The following C1orf21 variants were observed in gnomAD, a reference collection of about 807,000 sequenced individuals.
The protein encoded by C1orf21 is uncharacterized protein C1orf21.
Under a neutral mutation model 18.7 loss-of-function variants are expected in C1orf21, and 3 were observed. The ratio of observed to expected loss-of-function variants is 0.16; its 90% CI spans 0.07 to 0.42. The LOEUF is 0.42. Ranked by LOEUF, C1orf21 falls within the 10% of genes least tolerant of loss-of-function variation. C1orf21 has a pLI of 0.99. For missense variants in C1orf21, 104 were observed against 143.6 expected (o/e 0.72, Z 1.41); for synonymous variants, 41 against 46.4 (o/e 0.88, Z 0.47).
intron 3 of C1orf21, among the ~76,000 whole-genome samples, chr1:184,529,580 A>T (rs946770978): frequency 6.6e-6 from 1 of 152,230 alleles, no homozygotes; most frequent in Admixed American, 6.5e-5. Context: ...AAATCTGGAG[A>T]TGTATCATAT....
chr1:184,482,422 GTC>G (rs1489186660), intron 2 of C1orf21, among the ~76,000 whole-genome samples: 1 of 152,198 alleles, frequency 6.6e-6, no homozygotes. Flanking sequence ...AGGGAATAGA[GTC>G]TCTCCACCTC....
At chr1:184,423,622 G>C (rs1196965716) in intron 1 of C1orf21, among the ~76,000 whole-genome samples, 2 of 152,184 alleles carry the variant, frequency 1.3e-5, no homozygotes, top group Middle Eastern at 3.2e-3. Flanking sequence ...CTCCTACACA[G>C]AATAGAAATC....
At chr1:184,512,379 T>G (rs1658163231) in intron 3 of C1orf21, among the ~76,000 whole-genome samples, 1 of 152,196 alleles carries the variant, frequency 6.6e-6, no homozygotes. Context: ...TAGCACCTAG[T>G]GGTTGCTCAA....
At chr1:184,411,059 G>GA (rs1405270874) in intron 1 of C1orf21, among the ~76,000 whole-genome samples, 2 of 152,084 alleles carry the variant, frequency 1.3e-5, no homozygotes, top group East Asian at 3.9e-4. Context: ...CCGATTTGGA[G>GA]AAAATGCCTT....
chr1:184,415,733 C>T (rs781152069), intron 1 of C1orf21, among the ~76,000 whole-genome samples: 1 of 152,106 alleles, frequency 6.6e-6, no homozygotes, highest in Non-Finnish European at 1.5e-5. Context: ...CAAGTCTGTA[C>T]CTTCAAAAGT....
intron 3 of C1orf21, among the ~76,000 whole-genome samples, chr1:184,575,980 A>T (rs979022227): frequency 2.0e-5 from 3 of 152,160 alleles, no homozygotes; most frequent in African/African-American, 7.2e-5. Flanking sequence ...CCAAGGTGAC[A>T]AGCAAAAATG....
intron 1 of C1orf21, among the ~76,000 whole-genome samples, chr1:184,388,347 G>A (rs560529470): frequency 4.7e-4 from 72 of 152,322 alleles, no homozygotes; most frequent in African/African-American, 1.6e-3. Context: ...AATTCTGAGA[G>A]ACGGCAAGCA....
At position 184,625,909 on chromosome 1, in the gene C1orf21, C is replaced by A. The variant is rs931376936; in HGVS notation, c.*6353C>A. ...ATAGACACATCCCTAACGGCGTGTG[C>A]CTGGTCCAGCCACATACAGCCACCA... is the stretch of plus-strand genomic sequence containing the variant. On this transcript the variant is annotated 3_prime_UTR_variant, in exon 6 of 6. Transcript: ENST00000235307. The A allele has an allele frequency of 6.6e-6, 1 of 152,160 alleles. No homozygotes were observed. Among genetic ancestry groups the A allele is most frequent in the Non-Finnish European group, 1.5e-5 (1 of 68,046 alleles). 9.4% of individuals were successfully genotyped at this position (152,160 alleles called of 1,614,324 possible).
chr1:184,458,803 A>C (rs1657260327), intron 1 of C1orf21, among the ~76,000 whole-genome samples: 1 of 152,234 alleles, frequency 6.6e-6, no homozygotes, highest in Non-Finnish European at 1.5e-5. Flanking sequence ...CTTTGTGTTT[A>C]GTAACAAAAT....
At chr1:184,575,209 AGC>A (rs1659169705) in intron 3 of C1orf21, among the ~76,000 whole-genome samples, 1 of 152,210 alleles carries the variant, frequency 6.6e-6, no homozygotes, top group African/African-American at 2.4e-5. Flanking sequence ...CCCAAATTCT[AGC>A]TACAACCAGT....
chr1:184,435,405 A>T (rs1656841804), intron 1 of C1orf21, among the ~76,000 whole-genome samples: 1 of 152,162 alleles, frequency 6.6e-6, no homozygotes. Flanking sequence ...GTGCAGTGGC[A>T]TAGTCTCAGC....
intron 3 of C1orf21, among the ~76,000 whole-genome samples, chr1:184,521,970 T>A (rs1323616863): frequency 3.9e-5 from 6 of 152,164 alleles, no homozygotes; most frequent in Non-Finnish European, 7.4e-5. Flanking sequence ...ACTATGGAGG[T>A]AATAATTAAC....
At chr1:184,463,087 A>AT (rs1657332831) in intron 1 of C1orf21, among the ~76,000 whole-genome samples, 1 of 150,944 alleles carries the variant, frequency 6.6e-6, no homozygotes, top group Admixed American at 6.6e-5. Context: ...CATCTCAAAA[A>AT]AAAAAAAAAA....
At chr1:184,409,134 G>A (rs1656293358) in intron 1 of C1orf21, among the ~76,000 whole-genome samples, 2 of 152,242 alleles carry the variant, frequency 1.3e-5, no homozygotes, top group Middle Eastern at 3.4e-3. Flanking sequence ...CCTTTGGCAT[G>A]TTTTCTAGTG....
chr1:184,613,680 C>T (rs1659774233), intron 5 of C1orf21, among the ~76,000 whole-genome samples: 1 of 152,176 alleles, frequency 6.6e-6, no homozygotes, highest in Non-Finnish European at 1.5e-5. Flanking sequence ...CTGCTTCCCT[C>T]CAAAGCCAGA....
At chr1:184,498,999 T>C (rs1465275055) in intron 2 of C1orf21, among the ~76,000 whole-genome samples, 1 of 152,204 alleles carries the variant, frequency 6.6e-6, no homozygotes, top group Non-Finnish European at 1.5e-5. Context: ...ATAAAGCTGT[T>C]GTCAGCATTA....
intron 1 of C1orf21, among the ~76,000 whole-genome samples, chr1:184,397,446 T>C (rs1168406614): frequency 1.3e-5 from 2 of 151,852 alleles, no homozygotes; most frequent in Non-Finnish European, 2.9e-5. Context: ...ATTAGCCAGG[T>C]GTGGTGGCGG....
intron 2 of C1orf21, among the ~76,000 whole-genome samples, chr1:184,494,783 T>C (rs974216090): frequency 6.6e-6 from 1 of 152,126 alleles, no homozygotes; most frequent in African/African-American, 2.4e-5. Context: ...AGCAAAGATT[T>C]TTAAGATGGG....
At chr1:184,515,481 G>A (rs76969114) in intron 3 of C1orf21, among the ~76,000 whole-genome samples, 4 of 152,168 alleles carry the variant, frequency 2.6e-5, no homozygotes, top group East Asian at 3.9e-4. Context: ...AAGAATCACC[G>A]GGCGTCGTTA....
Sources: allele counts gnomAD v4.1 joint callset (sites outside exome capture counted in the v4.1 genomes callset), GRCh38; gene constraint gnomAD v4.1.1; transcripts MANE v1.5; gene names NCBI Gene and HGNC (gene_info 2026-07-23, HGNC 2026-07-21).